Variants in CDH22 observed in about 807,000 individuals in gnomAD.
CDH22 encodes cadherin 22, also known as cadherin-22.
CDH22 carries 30 observed loss-of-function variants against 58.4 expected under a neutral mutation model. The ratio of observed to expected loss-of-function variants is 0.51; its 90% CI spans 0.38 to 0.70. CDH22 has a LOEUF of 0.70. CDH22 is among the 30% of genes least tolerant of loss of function. The pLI is 0.00. For missense variants in CDH22, 1,014 were observed against 1,233.9 expected (o/e 0.82, Z 2.67); for synonymous variants, 513 against 558.2 (o/e 0.92, Z 1.14).
At position 46,216,172 on chromosome 20, in the gene CDH22, G is replaced by A. The variant is rs905155889; in HGVS notation, c.838+654C>T. Among the ~76,000 whole-genome samples the A allele has an allele frequency of 2.0e-5, 3 of 152,216 alleles. No homozygotes were observed. The highest frequency in any genetic ancestry group is 7.2e-5 in the African/African-American group (3 of 41,454). ...TTCCCTGTAGTGGCTCTCGGCCTGA[G>A]CCTGGGACAGAGGGGTTGGCTGGGC... On this transcript the variant is annotated intron_variant, in intron 5 of 11. Transcript: ENST00000537909. This position sits in a 1 kb window ranked among gnomAD's most constrained non-coding sequence, Gnocchi z 5.3.
At position 46,186,616 on chromosome 20, in the gene CDH22, G is replaced by T. The variant is rs1376910323; in HGVS notation, c.1635C>A (p.Asn545Lys). 4 of 1,612,428 alleles carry T rather than the reference G, an allele frequency of 2.5e-6. No homozygotes were observed. In the African/African-American group the frequency reaches 5.3e-5, roughly 22 times the overall value. ...GGATGTCAAGCAGAGAGAAATGAGGGTTGCTGGGAGCTTCAGGCACCAGGC... is the reference window on the plus strand; with the variant it reads ...GGATGTCAAGCAGAGAGAAATGAGGTTTGCTGGGAGCTTCAGGCACCAGGC... ...YFRLVPEAPS[N>K]PHFSLLDIQD... Residue 545 changes from asparagine to lysine, a missense_variant, in exon 10 of 12, where the codon AAC (asparagine) becomes AAA (lysine). Coordinates refer to ENST00000537909, the MANE Select transcript of CDH22 (RefSeq NM_021248.3).
chr20:46,179,951 C>A (rs2145646209), intron 10 of CDH22, among the ~76,000 whole-genome samples: 1 of 149,546 alleles, frequency 6.7e-6, no homozygotes, highest in East Asian at 1.9e-4. Context: ...TGGGCAAATT[C>A]CTCATCCGTC....
chr20:46,247,133 G>A (rs939713654), intron 2 of CDH22, among the ~76,000 whole-genome samples: 1 of 152,090 alleles, frequency 6.6e-6, no homozygotes, highest in Non-Finnish European at 1.5e-5. Context: ...CAGTTAGATG[G>A]TACACTCAAG....
intron 10 of CDH22, among the ~76,000 whole-genome samples, chr20:46,183,022 C>T (rs1368756040): frequency 6.6e-6 from 1 of 152,066 alleles, no homozygotes; most frequent in Non-Finnish European, 1.5e-5. Context: ...CCCCCCCTCT[C>T]CCCCAGCTAA....
chr20:46,221,491 A>G (rs956102160), intron 4 of CDH22, among the ~76,000 whole-genome samples: 2 of 152,154 alleles, frequency 1.3e-5, no homozygotes, highest in Non-Finnish European at 2.9e-5. Flanking sequence ...ATCCTCCAGT[A>G]GGCTGGCTTC....
rs190293408 is a variant in CDH22, at chr20:46,300,445, C to T, written c.-400+7810G>A. Among the ~76,000 whole-genome samples the T allele has an allele frequency of 1.5e-3, 232 of 152,288 alleles. No individual in the cohort carries two copies. The highest frequency in any genetic ancestry group is 6.8e-3 in the Middle Eastern group (2 of 294). Reference sequence around the variant, plus strand: ...CCGGGCCCATCCACCTTATGTCCCCCGCCTGCCTGGTGCCTGTCACTCTGC... The same window carrying T: ...CCGGGCCCATCCACCTTATGTCCCCTGCCTGCCTGGTGCCTGTCACTCTGC... On this transcript the variant is annotated intron_variant, in intron 1 of 11. Transcript: ENST00000537909. This position sits in a 1 kb window ranked among gnomAD's most constrained non-coding sequence, Gnocchi z 4.4.
intron 1 of CDH22, among the ~76,000 whole-genome samples, chr20:46,299,754 CTA>C (rs2086642937): frequency 6.6e-6 from 1 of 152,222 alleles, no homozygotes; most frequent in African/African-American, 2.4e-5. Flanking sequence ...CTCAATAATC[CTA>C]TGAGATAGGT....
rs527402894 is a variant in CDH22 at position 46,304,618 on chromosome 20, G to C, written c.-400+3637C>G. Among the ~76,000 whole-genome samples, 3 of 152,366 alleles carry C rather than the reference G, an allele frequency of 2.0e-5. No homozygotes were observed. In the South Asian group the frequency reaches 6.2e-4, roughly 32 times the overall value. ...GAAGTTCCCAGCCTAATCCCAATGTGACAGCAGGAAGGAGCCTGCTGATGG... is the reference window on the plus strand; with the variant it reads ...GAAGTTCCCAGCCTAATCCCAATGTCACAGCAGGAAGGAGCCTGCTGATGG... On this transcript the variant is annotated intron_variant, in intron 1 of 11. Coordinates refer to ENST00000537909, the MANE Select transcript of CDH22 (RefSeq NM_021248.3).
At chr20:46,244,917 T>A (rs2086317577) in intron 2 of CDH22, among the ~76,000 whole-genome samples, 1 of 152,104 alleles carries the variant, frequency 6.6e-6, no homozygotes, top group Non-Finnish European at 1.5e-5. Context: ...TGCTTTGGAG[T>A]CAGAAGCAGC....
chr20:46,223,412 C>CTGATA, intron 4 of CDH22, among the ~76,000 whole-genome samples: 2 of 152,276 alleles, frequency 1.3e-5, no homozygotes, highest in East Asian at 3.9e-4. Flanking sequence ...GGGTCCCCAC[C>CTGATA]TCCTCAGGCT....
At chr20:46,243,283 C>T (rs1437751417) in intron 2 of CDH22, among the ~76,000 whole-genome samples, 1 of 152,308 alleles carries the variant, frequency 6.6e-6, no homozygotes, top group East Asian at 1.9e-4. Context: ...TATAGAAGTG[C>T]CATTTGGAAG....
At chr20:46,181,796 C>CTTTCTTTCA (rs2085791281) in intron 10 of CDH22, among the ~76,000 whole-genome samples, 1 of 21,840 alleles carries the variant, frequency 4.6e-5, no homozygotes, top group Non-Finnish European at 9.7e-5. Flanking sequence ...TCTTTCTTTT[C>CTTTCTTTCA]TCTCTCTTTC....
intron 1 of CDH22, among the ~76,000 whole-genome samples, chr20:46,307,260 G>A (rs1470532390): frequency 1.3e-5 from 2 of 152,212 alleles, no homozygotes; most frequent in African/African-American, 4.8e-5. Context: ...GGAGACCTCG[G>A]GGGATCCTGG....
intron 4 of CDH22, among the ~76,000 whole-genome samples, 156 bp from the exon 5 acceptor site, chr20:46,217,149 T>A (rs1033611428): frequency 6.6e-6 from 1 of 152,046 alleles, no homozygotes; most frequent in African/African-American, 2.4e-5. Flanking sequence ...GTCCACCATG[T>A]GGGACAGGGC....
chr20:46,296,022 C>T (rs1450651285), intron 1 of CDH22, among the ~76,000 whole-genome samples: 1 of 152,180 alleles, frequency 6.6e-6, no homozygotes, highest in African/African-American at 2.4e-5. Flanking sequence ...CTCGGCCTCT[C>T]AAAGTGCTGG....
intron 4 of CDH22, among the ~76,000 whole-genome samples, chr20:46,221,258 C>A (rs934401812): frequency 9.6e-5 from 14 of 146,338 alleles, no homozygotes; most frequent in African/African-American, 3.3e-4. Context: ...TTTAAGCTAC[C>A]AGGTTTTGGG....
At chr20:46,189,183 T>C (rs1430427670) in intron 8 of CDH22, among the ~76,000 whole-genome samples, 2 of 152,008 alleles carry the variant, frequency 1.3e-5, no homozygotes, top group African/African-American at 2.4e-5. Flanking sequence ...CTCTCTGGAG[T>C]TCCCCTTAGC....
chr20:46,182,611 A>C (rs1217583704), intron 10 of CDH22, among the ~76,000 whole-genome samples: 15 of 152,160 alleles, frequency 9.9e-5, no homozygotes, highest in Non-Finnish European at 2.2e-4. Flanking sequence ...CCCTGAATGC[A>C]TCAAGCTGCC....
chr20:46,188,854 C>T (rs1314160179), intron 8 of CDH22, among the ~76,000 whole-genome samples: 3 of 152,054 alleles, frequency 2.0e-5, no homozygotes, highest in African/African-American at 4.8e-5. Context: ...GGAACATCTC[C>T]TGGAGGAGGA....
Sources: allele counts gnomAD v4.1 joint callset (sites outside exome capture counted in the v4.1 genomes callset), GRCh38; gene constraint gnomAD v4.1.1; non-coding constraint Gnocchi (gnomAD v3.1); transcripts MANE v1.5; gene names NCBI Gene and HGNC (gene_info 2026-07-23, HGNC 2026-07-21).